DLC1: variants seen among roughly 807,000 people sequenced by gnomAD.
DLC1 encodes DLC1 Rho GTPase activating protein.
A neutral mutation model predicts 140.3 loss-of-function variants in DLC1; 54 were observed. The ratio of observed to expected loss-of-function variants is 0.38; its 90% CI spans 0.31 to 0.48. The LOEUF is 0.48. Ranked by LOEUF, DLC1 falls within the 20% of genes least tolerant of loss-of-function variation. The probability of loss-of-function intolerance (pLI) is 0.96; values close to 1 mark genes in which losing one functional copy is unlikely to be tolerated. For synonymous variants in DLC1, 986 were observed against 728.1 expected (o/e 1.35, Z -5.70); for missense variants, 2,536 against 1,907.0 (o/e 1.33, Z -6.14).
At chr8:13,455,258 A>G (rs1330286842) in intron 2 of DLC1, among the ~76,000 whole-genome samples, 1 of 152,194 alleles carries the variant, frequency 6.6e-6, no homozygotes, top group Non-Finnish European at 1.5e-5. Context: ...GATGCACACA[A>G]TTGTATATCC....
intron 13 of DLC1, 121 bp downstream of exon 13, chr8:13,092,491 T>C (rs1818155459): frequency 9.5e-7 from 1 of 1,052,974 alleles, no homozygotes; most frequent in Non-Finnish European, 1.4e-6. Flanking sequence ...AATGGACTAA[T>C]ATAGCGGTCT....
chr8:13,454,110 G>A (rs1799280768), intron 2 of DLC1, among the ~76,000 whole-genome samples: 1 of 152,082 alleles, frequency 6.6e-6, no homozygotes, highest in Admixed American at 6.6e-5. Context: ...AAAAAGGCCA[G>A]AATTATTTTT....
intron 4 of DLC1, among the ~76,000 whole-genome samples, chr8:13,368,802 C>G (rs1835605160): frequency 6.6e-6 from 1 of 152,056 alleles, no homozygotes; most frequent in Non-Finnish European, 1.5e-5. Flanking sequence ...GATGTTCTTC[C>G]TGCTCAGTCC....
intron 5 of DLC1, among the ~76,000 whole-genome samples, chr8:13,301,597 A>C (rs1832192514): frequency 6.6e-6 from 1 of 152,244 alleles, no homozygotes; most frequent in Admixed American, 6.5e-5. Context: ...AAGGCCATAC[A>C]GATAGGAAGC....
intron 1 of DLC1, among the ~76,000 whole-genome samples, chr8:13,551,779 A>G (rs996196438): frequency 6.6e-6 from 1 of 151,126 alleles, no homozygotes; most frequent in Non-Finnish European, 1.5e-5. Flanking sequence ...TATCTATCAA[A>G]CATATATGTA....
chr8:13,098,550 G>A lies in DLC1; in HGVS notation c.3016C>T (p.Gln1006Ter). 1 of 1,614,154 alleles carries A rather than the reference G, an allele frequency of 6.2e-7. No individual in the cohort carries two copies. The highest frequency in any genetic ancestry group is 8.5e-7 in the Non-Finnish European group (1 of 1,180,018). ...TTGAGGCTTGGCCGATGTGAGCTCT[G>A]GAAACTGTGCCATCTCAGTCGGTGC... ...NRHRLRWHSF[Q>*]SSHRPSLNSV... The change falls in exon 10 of 18, where the codon CAG becomes TAG. Residue 1006 changes from glutamine (Q) to a stop codon, truncating the protein, a stop_gained. Transcript: ENST00000276297. LOFTEE classifies it high-confidence loss of function.
chr8:13,098,681 T>C, intron 9 of DLC1, 106 bp from the exon 10 acceptor site: 1 of 1,196,280 alleles, frequency 8.4e-7, no homozygotes, highest in South Asian at 1.6e-5. Flanking sequence ...AGTGGTGCCA[T>C]CACAGCTCAC....
Position 13,393,593 on chromosome 8 carries a change from G to A in DLC1, c.1274C>T (p.Ser425Phe), listed in dbSNP as rs1836866861. The A allele has an allele frequency of 1.2e-6, 2 of 1,614,026 alleles. No homozygotes were observed. The highest frequency in any genetic ancestry group is 1.7e-5 in the Admixed American group (1 of 59,990). ...GGTTCCAGAATTGGCTACTGGAGTGGAAGATGGGAGGTCCGTGGACTCAGT... is the reference window on the plus strand; with the variant it reads ...GGTTCCAGAATTGGCTACTGGAGTGAAAGATGGGAGGTCCGTGGACTCAGT... ...SDTESTDLPS[S>F]TPVANSGTKP... Residue 425 changes from serine (S) to phenylalanine (F), a missense_variant, in exon 4 of 18, where the codon TCC (serine) becomes TTC (phenylalanine). By Grantham distance (155) the Ser-to-Phe change is radical. Transcript: ENST00000276297.
In DLC1 at chr8:13,355,074, A is replaced by T. The variant is rs748728444; in HGVS notation, c.1314+38479T>A. Among the ~76,000 whole-genome samples the T allele has an allele frequency of 3.9e-4, 60 of 151,936 alleles. 1 individual carries two copies. The Middle Eastern group carries it at 0.024, about 60-fold the overall frequency. ...TCATAATCATCTTACTGCACTATCA[A>T]TTAAAAAATACATCATTTTTTAGAG... On this transcript the variant is annotated intron_variant, in intron 4 of 17. Transcript: ENST00000276297.
At chr8:13,255,992 G>A (rs959297927) in intron 5 of DLC1, among the ~76,000 whole-genome samples, 2 of 152,124 alleles carry the variant, frequency 1.3e-5, no homozygotes, top group South Asian at 2.1e-4. Flanking sequence ...GCATATTTGG[G>A]TTTGAAGAAA....
At chr8:13,354,604 A>G (rs1834834059) in intron 4 of DLC1, among the ~76,000 whole-genome samples, 1 of 152,160 alleles carries the variant, frequency 6.6e-6, no homozygotes, top group Non-Finnish European at 1.5e-5. Context: ...TCGGAATGCC[A>G]CTAATACTTA....
At position 13,085,823 on chromosome 8, in the gene DLC1, G is replaced by C. The variant is rs1817506301; in HGVS notation, c.4575C>G (p.Thr1525=). Residue 1525 remains threonine (T), a synonymous_variant, in exon 18 of 18, where the codon ACC becomes ACG. Coordinates refer to ENST00000276297, the MANE Select transcript of DLC1 (RefSeq NM_182643.3). ...GTTGCTTCAGTGATCACCTAGATTT[G>C]GTGTCTTTGGTTTCAGTGTTCTGGT... ...FSNQNTETKD[T]KSR 2 of 1,614,084 alleles carry C rather than the reference G, an allele frequency of 1.2e-6. No homozygotes were observed. Among genetic ancestry groups the C allele is most frequent in the Admixed American group, 1.7e-5 (1 of 60,022 alleles).
At chr8:13,436,554 T>C (rs978700855) in intron 2 of DLC1, among the ~76,000 whole-genome samples, 1 of 152,242 alleles carries the variant, frequency 6.6e-6, no homozygotes, top group African/African-American at 2.4e-5. Context: ...CAATTGGGCT[T>C]TACCAATTTA....
At chr8:13,185,282 T>TG (rs555183259) in intron 5 of DLC1, among the ~76,000 whole-genome samples, 1,001 of 87,752 alleles carry the variant, frequency 0.011, 20 homozygotes, top group African/African-American at 0.038. Context: ...GTGTCTTTTC[T>TG]GTTTTTTTTG....
rs1011181608 is a variant in DLC1 at position 13,085,620 on chromosome 8, T to C, written c.*191A>G. ...ACAGTCTTACATATTCCAGTCAAGG[T>C]CTATGAATACAGACCCTCAACAAAC... On this transcript the variant is annotated 3_prime_UTR_variant, in exon 18 of 18. Coordinates refer to ENST00000276297, the MANE Select transcript of DLC1 (RefSeq NM_182643.3). 2.8e-6 allele frequency: 2 copies of C among 720,272 alleles called. No individual in the cohort carries two copies. The highest frequency in any genetic ancestry group is 4.2e-6 in the Non-Finnish European group (2 of 480,160). The allele number at this position is 720,272 out of a possible 1,614,324, so 44.6% of individuals were successfully genotyped here. A position where few individuals can be genotyped will look rare whatever the true frequency, so the allele number is the denominator to read the frequency against.
At chr8:13,232,618 A>C (rs1351655026) in intron 5 of DLC1, among the ~76,000 whole-genome samples, 2 of 152,208 alleles carry the variant, frequency 1.3e-5, no homozygotes, top group Non-Finnish European at 2.9e-5. Context: ...GGCATGAGCC[A>C]CGGTGCCCCG....
At chr8:13,237,195 ATATG>A (rs1232800007) in intron 5 of DLC1, among the ~76,000 whole-genome samples, 14 of 102,856 alleles carry the variant, frequency 1.4e-4, no homozygotes, top group African/African-American at 4.1e-4. Flanking sequence ...ATATATATAT[ATATG>A]TGTGTGTGTG....
chr8:13,591,687 C>T (rs530524815), intron 1 of DLC1, among the ~76,000 whole-genome samples: 2 of 151,660 alleles, frequency 1.3e-5, no homozygotes, highest in East Asian at 1.9e-4. Flanking sequence ...TTATTGGTAA[C>T]AGTAAAGTTA....
chr8:13,329,257 C>T (rs1833492087), intron 4 of DLC1, among the ~76,000 whole-genome samples: 1 of 152,144 alleles, frequency 6.6e-6, no homozygotes, highest in Non-Finnish European at 1.5e-5. Context: ...GGATTTATGA[C>T]TATCTGCTGG....
Sources: gnomAD v4.1 joint callset for allele counts (sites outside exome capture counted in the v4.1 genomes callset) on GRCh38, gnomAD v4.1.1 for gene constraint, MANE v1.5 for transcripts, NCBI Gene and HGNC (gene_info 2026-07-23, HGNC 2026-07-21) for gene names.